Variants in KDM3A observed in about 807,000 individuals in gnomAD.
KDM3A encodes lysine-specific demethylase 3A.
In KDM3A, 60 loss-of-function variants were observed where a neutral mutation model predicts 158.0. The ratio of observed to expected loss-of-function variants is 0.38; its 90% confidence interval spans 0.31 to 0.47. The LOEUF (loss-of-function observed/expected upper bound fraction) is 0.47. Among genes scored for constraint, KDM3A ranks in the 20% least tolerant of loss-of-function variants. The pLI, the probability that KDM3A is intolerant of heterozygous loss-of-function variation, is 0.99. For synonymous variants in KDM3A, 608 were observed against 549.3 expected (o/e 1.11, Z -1.49); for missense variants, 1,319 against 1,574.3 (o/e 0.84, Z 2.74).
intron 19 of KDM3A, 74 bp downstream of exon 19, chr2:86,484,232 C>A: frequency 7.7e-7 from 1 of 1,303,732 alleles, no homozygotes; most frequent in Non-Finnish European, 1.1e-6. Context: ...GAGTCTGAGA[C>A]CCATCAGTGG....
In KDM3A at chr2:86,442,210, G is replaced by A. The variant is rs1682755893; in HGVS notation, c.163G>A (p.Asp55Asn). ...GACCATTCGAGCTGTTTCCCACACC[G>A]ACGTTACCAAGAAGGATCTGAAGGT... is the stretch of plus-strand genomic sequence containing the variant. ...SGTIRAVSHTDVTKKDLKVCV... is the reference protein window; with the variant it reads ...SGTIRAVSHTNVTKKDLKVCV... The change falls in exon 2 of 26, where the codon GAC becomes AAC. Residue 55 changes from aspartate to asparagine, a missense_variant. Around this residue, in one of 4 missense-constraint regions of KDM3A, gnomAD observed 652 missense variants for 627.2 expected, o/e 1.04. Coordinates refer to ENST00000312912, the MANE Select transcript of KDM3A (RefSeq NM_018433.6). 6.2e-7 allele frequency: 1 copy of A among 1,611,064 alleles called. No homozygotes were observed. The highest frequency in any genetic ancestry group is 1.3e-5 in the African/African-American group (1 of 74,744).
upstream of KDM3A, chr2:86,440,763 T>C (rs1682655022): frequency 6.6e-6 from 1 of 152,248 alleles, no homozygotes; most frequent in Non-Finnish European, 1.5e-5. Context: ...CCCAGCAGCC[T>C]AAGCTCGGCG....
rs1387502418 is a variant in KDM3A at position 86,491,890 on chromosome 2, A to G, written c.3886-149A>G. The G allele has an allele frequency of 2.3e-5, 14 of 610,468 alleles. No homozygotes were observed. In the East Asian group the frequency reaches 3.9e-4, roughly 17 times the overall value. The allele number at this position is 610,468 out of a possible 1,614,324, so 37.8% of individuals were successfully genotyped here. A position where few individuals can be genotyped will look rare whatever the true frequency, so the allele number is the denominator to read the frequency against. On this transcript the variant is annotated intron_variant, in intron 25 of 25. Transcript: ENST00000312912. Reference sequence around the variant, plus strand: ...GTGAAATACTGGTCTGAAGGAGCCCAGGGACCTTTTGCAATGTTGACATTT... The same window carrying G: ...GTGAAATACTGGTCTGAAGGAGCCCGGGGACCTTTTGCAATGTTGACATTT...
chr2:86,478,941 G>A, intron 15 of KDM3A: 1 of 446,554 alleles, frequency 2.2e-6, no homozygotes. Context: ...AGACTCTACT[G>A]TGGCCTCTTG....
chr2:86,464,302 C>T, intron 9 of KDM3A, 86 bp downstream of exon 9: 1 of 1,073,368 alleles, frequency 9.3e-7, no homozygotes. Context: ...CCTGGTTGTC[C>T]AGGGAGGTTT....
chr2:86,486,034 T>G lies in KDM3A; in HGVS notation c.3313+175T>G, dbSNP rs77020933. 2.7e-4 allele frequency among the ~76,000 whole-genome samples: 2 copies of G among 7,418 alleles called. 1 individual carries two copies. The highest frequency in any genetic ancestry group is 1.8e-3 in the Admixed American group (2 of 1,114). 4.9% of individuals were successfully genotyped at this position (7,418 alleles called of 152,430 possible). A position where few individuals can be genotyped will look rare whatever the true frequency, so the allele number is the denominator to read the frequency against. ...CCCTGGCCACATGTTTGTGTGTTTC[T>G]TTTCATAGTTGCAGTTGTAGGGCAT... On this transcript the variant is annotated intron_variant, in intron 21 of 25. Transcript: ENST00000312912.
intron 2 of KDM3A, among the ~76,000 whole-genome samples, chr2:86,445,132 C>T (rs1056537152): frequency 7.2e-5 from 11 of 152,002 alleles, no homozygotes; most frequent in Non-Finnish European, 1.0e-4. Flanking sequence ...TCAGGTAGAG[C>T]GAGGTTAGAG....
chr2:86,479,691 G>A (rs1673830893), intron 15 of KDM3A: 2 of 152,844 alleles, frequency 1.3e-5, no homozygotes, highest in Non-Finnish European at 2.9e-5. Context: ...GTTCTTTTAA[G>A]AGCTCATCAC....
rs145647556 is a variant in KDM3A, at chr2:86,463,378, T to A, written c.844-675T>A. 7.4e-4 allele frequency among the ~76,000 whole-genome samples: 112 copies of A among 151,530 alleles called. 2 individuals are homozygous for A. Among genetic ancestry groups the A allele is most frequent in the African/African-American group, 2.7e-3 (111 of 41,138 alleles). ...TTTTATGGTGGGAAGTTTATTTTTGTGAATGGTATAAACTGTTAAGAAGTT... is the reference window on the plus strand; with the variant it reads ...TTTTATGGTGGGAAGTTTATTTTTGAGAATGGTATAAACTGTTAAGAAGTT... On this transcript the variant is annotated intron_variant, in intron 8 of 25. Transcript: ENST00000312912.
chr2:86,488,589 C>T, intron 21 of KDM3A: 1 of 152,392 alleles, frequency 6.6e-6, no homozygotes, highest in Non-Finnish European at 1.5e-5. Flanking sequence ...TAAAGCCTTC[C>T]TCCAAAACAG....
chr2:86,445,853 C>T (rs572859640), intron 2 of KDM3A, among the ~76,000 whole-genome samples: 1 of 152,216 alleles, frequency 6.6e-6, no homozygotes, highest in African/African-American at 2.4e-5. Flanking sequence ...AGTGGAAGCA[C>T]AAGGAATTAA....
rs1460545827 is a variant in KDM3A, at chr2:86,455,192, A to G, written c.556+5A>G. 1 of 1,494,270 alleles carries G rather than the reference A, an allele frequency of 6.7e-7. No homozygotes were observed. The highest frequency in any genetic ancestry group is 1.7e-5 in the Admixed American group (1 of 57,704). 92.6% of individuals were successfully genotyped at this position (1,494,270 alleles called of 1,614,324 possible). A position where few individuals can be genotyped will look rare whatever the true frequency, so the allele number is the denominator to read the frequency against. ...ATGAAAGCCATCTTTTAAAAGGTAT[A>G]TGCATTATCTAGTGGTGATAGTTCA... On this transcript the variant is annotated splice_donor_5th_base_variant and intron_variant, in intron 5 of 25. Transcript: ENST00000312912.
chr2:86,444,655 T>A (rs1208852154), intron 2 of KDM3A, among the ~76,000 whole-genome samples: 1 of 94,494 alleles, frequency 1.1e-5, no homozygotes, highest in African/African-American at 4.3e-5. Flanking sequence ...TTTTGGGGGG[T>A]GAGATGGGGG....
intron 21 of KDM3A, among the ~76,000 whole-genome samples, chr2:86,486,065 A>G (rs766492708): frequency 4.6e-5 from 7 of 152,056 alleles, no homozygotes; most frequent in African/African-American, 9.7e-5. Context: ...GGCATATGCA[A>G]TTTTGTGTTT....
chr2:86,482,507 CCT>C lies in KDM3A; in HGVS notation c.2738_2739del (p.Ser913PhefsTer5). The C allele has an allele frequency of 6.2e-7, 1 of 1,614,138 alleles. No homozygotes were observed. Among genetic ancestry groups the C allele is most frequent in the Non-Finnish European group, 8.5e-7 (1 of 1,180,006 alleles). On this transcript the variant is annotated frameshift_variant, in exon 18 of 26. Transcript: ENST00000312912. LOFTEE classifies it high-confidence loss of function. The stretch of plus-strand genomic sequence containing the variant: ...CCAAAAATCCTTGATGACATCTTTG[CCT>C]CTTTGGTGCAAAATAAGACGACTTC...
chr2:86,445,915 A>G (rs1157750033), intron 2 of KDM3A, among the ~76,000 whole-genome samples: 1 of 152,224 alleles, frequency 6.6e-6, no homozygotes, highest in Non-Finnish European at 1.5e-5. Context: ...AGTGCAAGGC[A>G]TAAAATAGAC....
In KDM3A at chr2:86,455,181, T is replaced by C. The variant is rs1672636201; in HGVS notation, c.550T>C (p.Leu184=). ...IVKHLDESHL[L]KGDKNLVGSE... is the part of the protein sequence containing the mutation. ...GAAGCATTTAGATGAAAGCCATCTT[T>C]TAAAAGGTATATGCATTATCTAGTG... Residue 184 remains leucine, a synonymous_variant, in exon 5 of 26, where the codon TTA becomes CTA. Transcript: ENST00000312912. 6.4e-7 allele frequency: 1 copy of C among 1,566,472 alleles called. No homozygotes were observed. The highest frequency in any genetic ancestry group is 1.4e-5 in the African/African-American group (1 of 73,498).
At position 86,474,971 on chromosome 2, in the gene KDM3A, G is replaced by A. The variant is rs1673597120; in HGVS notation, c.1920G>A (p.Met640Ile). 6.2e-7 allele frequency: 1 copy of A among 1,613,994 alleles called. No homozygotes were observed. The highest frequency in any genetic ancestry group is 8.5e-7 in the Non-Finnish European group (1 of 1,179,930). Reference sequence around the variant, plus strand: ...TGGTGATTTCTGAAAAGGAAGCTATGTCAACTATTGAGCCACACAGTAAGA... The same window carrying A: ...TGGTGATTTCTGAAAAGGAAGCTATATCAACTATTGAGCCACACAGTAAGA... ...CQMVISEKEA[M>I]STIEPHRQVA... The change falls in exon 12 of 26, where the codon ATG becomes ATA. Residue 640 changes from methionine to isoleucine, a missense_variant. Around this residue, in one of 4 missense-constraint regions of KDM3A, gnomAD observed 113 missense variants for 190.5 expected, o/e 0.59. Coordinates refer to ENST00000312912, the MANE Select transcript of KDM3A (RefSeq NM_018433.6).
chr2:86,489,240 A>C, intron 21 of KDM3A, 78 bp from the exon 22 acceptor site: 1 of 1,453,228 alleles, frequency 6.9e-7, no homozygotes, highest in Non-Finnish European at 9.4e-7. Context: ...GGGACCTACC[A>C]TCCCCCAGGT....
Sources: gnomAD v4.1 joint callset for allele counts (sites outside exome capture counted in the v4.1 genomes callset) on GRCh38, gnomAD v4.1.1 for gene constraint, gnomAD v4.1.1 regional missense constraint, MANE v1.5 for transcripts, NCBI Gene and HGNC (gene_info 2026-07-23, HGNC 2026-07-21) for gene names.